Variants in SYNE1 observed in about 807,000 individuals in gnomAD.
SYNE1 encodes nesprin-1.
In SYNE1, 616 loss-of-function variants were observed where a neutral mutation model predicts 1,111.0. The observed-to-expected ratio is 0.55, with a 90% CI of 0.52 to 0.59. SYNE1 has a LOEUF of 0.59. Ranked by LOEUF, SYNE1 falls within the 20% of genes least tolerant of loss-of-function variation. SYNE1 has a pLI of 0.00. For missense variants in SYNE1, 10,006 were observed against 10,417.0 expected (o/e 0.96, Z 1.72); for synonymous variants, 3,855 against 3,825.8 (o/e 1.01, Z -0.28).
chr6:152,159,717 G>A (rs2152983984), intron 131 of SYNE1, among the ~76,000 whole-genome samples: 2 of 152,242 alleles, frequency 1.3e-5, no homozygotes, highest in Middle Eastern at 6.8e-3. Flanking sequence ...TGATCCTTCT[G>A]CCTTGGCCTC....
intron 98 of SYNE1, chr6:152,277,658 G>T: frequency 4.6e-6 from 1 of 219,244 alleles, no homozygotes; most frequent in African/African-American, 2.3e-5. Context: ...TTATTTTTCT[G>T]ATCTTAAAAT....
chr6:152,494,230 C>A (rs887699026), intron 11 of SYNE1, among the ~76,000 whole-genome samples: 4 of 152,210 alleles, frequency 2.6e-5, no homozygotes, highest in Non-Finnish European at 5.9e-5. Context: ...CCTCCTCACA[C>A]TTGATGCGTA....
chr6:152,254,926 C>A lies in SYNE1; in HGVS notation c.19424G>T (p.Arg6475Leu). The A allele has an allele frequency of 6.2e-7, 1 of 1,613,968 alleles. No individual in the cohort carries two copies. The highest frequency in any genetic ancestry group is 8.5e-7 in the Non-Finnish European group (1 of 1,179,952). The change falls in exon 104 of 146, where the codon CGA becomes CTA. Residue 6475 changes from arginine to leucine, a missense_variant. Transcript: ENST00000367255. Reference sequence around the variant, plus strand: ...AAGTCTTTCTTTCATCTGATGACATCGTTGATTCACTACTGAGTCTAGCAA... The same window carrying A: ...AAGTCTTTCTTTCATCTGATGACATAGTTGATTCACTACTGAGTCTAGCAA... Reference protein sequence around the residue: ...LSLLDSVVNQRCHQMKERLQQ... With the variant: ...LSLLDSVVNQLCHQMKERLQQ...
chr6:152,236,412 T>A, intron 109 of SYNE1, 109 bp from the exon 110 acceptor site: 1 of 796,948 alleles, frequency 1.3e-6, no homozygotes, highest in Non-Finnish European at 2.1e-6. Context: ...TATTCAAACT[T>A]AAACTATACT....
At chr6:152,636,868 C>A (rs2099706721) in intron 1 of SYNE1, 63 bp from the exon 2 acceptor site, 2 of 152,528 alleles carry the variant, frequency 1.3e-5, no homozygotes, top group African/African-American at 4.8e-5. Context: ...GGCGCCCGCG[C>A]TCACCCTGGC....
chr6:152,407,069 T>C lies in SYNE1; in HGVS notation c.6668A>G (p.Asn2223Ser). ...SNNCVPQMAE[N>S]ISNLDNHLRA... ...GAGGTGGTTATCCAGGTTGCTGATG[T>C]TTTCTGCCATCTGTGGAACGCAGTT... The change falls in exon 45 of 146, where the codon AAC (asparagine) becomes AGC (serine). Residue 2223 changes from asparagine (N) to serine (S), a missense_variant. Coordinates refer to ENST00000367255, the MANE Select transcript of SYNE1 (RefSeq NM_182961.4). 1 of 1,614,018 alleles carries C rather than the reference T, an allele frequency of 6.2e-7. No homozygotes were observed. The highest frequency in any genetic ancestry group is 1.7e-5 in the Admixed American group (1 of 60,020).
intron 112 of SYNE1, 132 bp from the exon 113 acceptor site, chr6:152,232,397 T>A (rs1562365745): frequency 1.0e-6 from 1 of 967,914 alleles, no homozygotes; most frequent in Non-Finnish European, 1.6e-6. Flanking sequence ...CATTTGGAGA[T>A]CTTACCCTTT....
At chr6:152,410,271 G>A (rs1014777559) in intron 42 of SYNE1, 1 of 153,124 alleles carries the variant, frequency 6.5e-6, no homozygotes, top group Non-Finnish European at 1.5e-5. Context: ...ATAAAAATAA[G>A]GTAGTCTGCA....
At chr6:152,456,585 TA>T (rs1364485902) in intron 22 of SYNE1, 4 of 303,712 alleles carry the variant, frequency 1.3e-5, no homozygotes, top group Admixed American at 4.5e-5. Context: ...CAGATCCTAA[TA>T]AAAAAAGGCA....
At chr6:152,410,090 T>C (rs1313162175) in intron 42 of SYNE1, among the ~76,000 whole-genome samples, 2 of 152,196 alleles carry the variant, frequency 1.3e-5, no homozygotes, top group Non-Finnish European at 2.9e-5. Context: ...ATGGCATATG[T>C]TGTGTGAAAG....
At chr6:152,626,028 G>A (rs1393396186) in intron 3 of SYNE1, among the ~76,000 whole-genome samples, 1 of 152,080 alleles carries the variant, frequency 6.6e-6, no homozygotes, top group Non-Finnish European at 1.5e-5. Context: ...TGTGTGATAG[G>A]GTGAGAGGCT....
chr6:152,612,629 A>G (rs1166686112), intron 3 of SYNE1, among the ~76,000 whole-genome samples: 1 of 152,202 alleles, frequency 6.6e-6, no homozygotes, highest in Non-Finnish European at 1.5e-5. Flanking sequence ...AAAAGAGTGA[A>G]TCCCCCCTAA....
chr6:152,239,506 C>T, intron 108 of SYNE1, 27 bp downstream of exon 108: 1 of 1,614,078 alleles, frequency 6.2e-7, no homozygotes, highest in Non-Finnish European at 8.5e-7. Flanking sequence ...GTTTGCAGCA[C>T]AGAAGATATG....
At chr6:152,628,671 A>T in intron 2 of SYNE1, 117 bp from the exon 3 acceptor site, 1 of 269,042 alleles carries the variant, frequency 3.7e-6, no homozygotes, top group Non-Finnish European at 7.2e-6. Flanking sequence ...ATCAAGTGAA[A>T]CAACTTAGTG....
intron 63 of SYNE1, among the ~76,000 whole-genome samples, chr6:152,363,342 A>G (rs2096974986): frequency 6.7e-6 from 1 of 148,834 alleles, no homozygotes; most frequent in South Asian, 2.1e-4. Context: ...AAAATACAAA[A>G]AATTAGCCGG....
chr6:152,329,963 T>A lies in SYNE1; in HGVS notation c.14722A>T (p.Ser4908Cys), dbSNP rs750417575. 3 of 1,614,232 alleles carry A rather than the reference T, an allele frequency of 1.9e-6. No individual in the cohort carries two copies. The highest frequency in any genetic ancestry group is 2.7e-5 in the African/African-American group (2 of 75,062). The change falls in exon 78 of 146, where the codon AGT (serine) becomes TGT (cysteine). Residue 4908 changes from serine to cysteine, a missense_variant. Coordinates refer to ENST00000367255, the MANE Select transcript of SYNE1 (RefSeq NM_182961.4). ...DWLRRVKAEL[S>C]GPVYLDLNLQ... ...TTGAGGTCTAGGTACACCGGCCCAC[T>A]GAGCTCTGCCTTCACTCTCCTCAGC...
chr6:152,188,401 A>G (rs1339578068), intron 128 of SYNE1, among the ~76,000 whole-genome samples: 2 of 152,092 alleles, frequency 1.3e-5, no homozygotes, highest in East Asian at 3.9e-4. Flanking sequence ...TTCCAACTCA[A>G]AGTCAATCTG....
rs562101843 is a variant in SYNE1, at chr6:152,517,077, G to C, written c.309+3382C>G. Among the ~76,000 whole-genome samples, 20 of 152,164 alleles carry C rather than the reference G, an allele frequency of 1.3e-4. No homozygotes were observed. In the East Asian group the frequency reaches 1.7e-3, roughly 13 times the overall value. ...ATCCTAATGCCTGGAATCTCTCTTG[G>C]GCATGAAATTTGCACAATTGACTGA... On this transcript the variant is annotated intron_variant, in intron 6 of 145. Coordinates refer to ENST00000367255, the MANE Select transcript of SYNE1 (RefSeq NM_182961.4).
At chr6:152,468,733 T>G (rs2098786532) in intron 16 of SYNE1, among the ~76,000 whole-genome samples, 1 of 152,172 alleles carries the variant, frequency 6.6e-6, no homozygotes, top group African/African-American at 2.4e-5. Context: ...TTACTTTGGT[T>G]ATTAGATGAT....
Sources: gnomAD v4.1 joint callset for allele counts (sites outside exome capture counted in the v4.1 genomes callset) on GRCh38, gnomAD v4.1.1 for gene constraint, MANE v1.5 for transcripts, NCBI Gene and HGNC (gene_info 2026-07-23, HGNC 2026-07-21) for gene names.